Variants in EGFR observed in about 807,000 individuals in gnomAD.
The protein encoded by EGFR is epidermal growth factor receptor.
Under a neutral mutation model 143.0 loss-of-function variants are expected in EGFR, and 58 were observed. That is an observed-to-expected ratio of 0.41 (90% CI 0.33 to 0.50). The LOEUF (loss-of-function observed/expected upper bound fraction) is 0.50, where lower values mean the gene tolerates loss of function less well. Among genes scored for constraint, EGFR ranks in the 20% least tolerant of loss-of-function variants. EGFR has a pLI of 0.39. For missense variants in EGFR, 1,307 were observed against 1,579.0 expected, an observed-to-expected ratio of 0.83 and a Z score of 2.92; for synonymous variants, 613 against 594.4, an observed-to-expected ratio of 1.03 and a Z score of -0.45.
At chr7:55,038,379 C>A (rs1275392784) in intron 1 of EGFR, among the ~76,000 whole-genome samples, 10 of 152,266 alleles carry the variant, frequency 6.6e-5, no homozygotes, top group African/African-American at 1.4e-4. Flanking sequence ...AACAGCGCAG[C>A]CTCCCAAAGA....
At position 55,174,019 on chromosome 7, in the gene EGFR, C is replaced by T. The variant is rs1562784587; in HGVS notation, c.2160C>T (p.Ser720=). 6.8e-6 allele frequency: 11 copies of T among 1,614,120 alleles called. No individual in the cohort carries two copies. Among genetic ancestry groups the T allele is most frequent in the Non-Finnish European group, 9.3e-6 (11 of 1,180,054 alleles). Residue 720 remains serine (S), a synonymous_variant, in exon 18 of 28, where the codon TCC becomes TCT. Coordinates refer to ENST00000275493, the MANE Select transcript of EGFR (RefSeq NM_005228.5). ...TEFKKIKVLG[S]GAFGTVYKGL... ...TCAAAAAGATCAAAGTGCTGGGCTC[C>T]GGTGCGTTCGGCACGGTGTATAAGG...
intron 1 of EGFR, among the ~76,000 whole-genome samples, chr7:55,061,516 A>C (rs1372692212): frequency 1.3e-5 from 2 of 152,102 alleles, no homozygotes; most frequent in Non-Finnish European, 2.9e-5. Context: ...CTTGCCCTGC[A>C]TGCATTTCTT....
intron 1 of EGFR, among the ~76,000 whole-genome samples, chr7:55,123,902 T>C (rs1421279150): frequency 3.3e-5 from 5 of 152,148 alleles, no homozygotes; most frequent in Admixed American, 3.3e-4. Flanking sequence ...TGTGTGTGCA[T>C]GTGTGTGCAA....
chr7:55,093,506 C>T (rs1421017679), intron 1 of EGFR, among the ~76,000 whole-genome samples: 4 of 152,216 alleles, frequency 2.6e-5, no homozygotes, highest in African/African-American at 4.8e-5. Flanking sequence ...CCCCGCGTCT[C>T]AGTCCTCAGT....
intron 1 of EGFR, among the ~76,000 whole-genome samples, chr7:55,076,938 A>T (rs538118779): frequency 6.6e-6 from 1 of 152,048 alleles, no homozygotes; most frequent in South Asian, 2.1e-4. Context: ...TAGCAGCCAA[A>T]GACCTAAGCC....
chr7:55,044,080 C>A (rs2128870729), intron 1 of EGFR: 1 of 152,316 alleles, frequency 6.6e-6, no homozygotes, highest in East Asian at 1.9e-4. Flanking sequence ...TCCTTCACTG[C>A]TGTAGAAACA....
At chr7:55,168,399 C>T (rs376264677) in intron 15 of EGFR, 2 of 731,608 alleles carry the variant, frequency 2.7e-6, no homozygotes, top group Non-Finnish European at 2.5e-6. Context: ...TGGGTTTTGG[C>T]ATTTTCAATA....
At chr7:55,174,095 C>A (rs2128953901) in intron 18 of EGFR, 52 bp downstream of exon 18, 1 of 1,612,648 alleles carries the variant, frequency 6.2e-7, no homozygotes, top group South Asian at 1.1e-5. Flanking sequence ...CTCTCATGGT[C>A]TGGTGGGGAG....
At chr7:55,028,737 A>T (rs1187073688) in intron 1 of EGFR, among the ~76,000 whole-genome samples, 1 of 152,186 alleles carries the variant, frequency 6.6e-6, no homozygotes, top group Non-Finnish European at 1.5e-5. Flanking sequence ...CTAGATTTTT[A>T]AAATAAAGTA....
At chr7:55,180,789 C>T (rs1384142688) in intron 19 of EGFR, 4 of 179,676 alleles carry the variant, frequency 2.2e-5, no homozygotes, top group African/African-American at 4.7e-5. Flanking sequence ...TGGCTCGGTG[C>T]TCCCCGGATG....
rs542403973 is a variant in EGFR, at chr7:55,067,908, G to A, written c.88+48543G>A. On this transcript the variant is annotated intron_variant, in intron 1 of 27. Transcript: ENST00000275493. ...TGTGTGTACATGTGTGTACGTGTGT[G>A]TTCCTGTGTATGTGTGTCTGCGCAC... Among the ~76,000 whole-genome samples, 49 of 151,188 alleles carry A rather than the reference G, an allele frequency of 3.2e-4. 2 individuals are homozygous for A. The highest frequency in any genetic ancestry group is 3.4e-3 in the Middle Eastern group (1 of 292).
At chr7:55,146,079 T>C (rs1794744513) in intron 3 of EGFR, among the ~76,000 whole-genome samples, 10 of 152,174 alleles carry the variant, frequency 6.6e-5, no homozygotes, top group Admixed American at 6.5e-4. Flanking sequence ...CCCTGGAGTC[T>C]ACCTGTCTCT....
At chr7:55,151,513 C>A in intron 5 of EGFR, 151 bp downstream of exon 5, 3 of 839,094 alleles carry the variant, frequency 3.6e-6, no homozygotes, top group East Asian at 5.3e-5. Context: ...GACAGTCTTG[C>A]AAATCTCACC....
At chr7:55,144,892 T>C (rs988516661) in intron 3 of EGFR, among the ~76,000 whole-genome samples, 1 of 152,204 alleles carries the variant, frequency 6.6e-6, no homozygotes, top group African/African-American at 2.4e-5. Flanking sequence ...GTGGATGGCA[T>C]AGCTGCTAAA....
chr7:55,205,190 C>A (rs1562810304), intron 27 of EGFR, 66 bp from the exon 28 acceptor site: 1 of 1,595,250 alleles, frequency 6.3e-7, no homozygotes, highest in Non-Finnish European at 8.5e-7. Context: ...GGGTTCAGAA[C>A]CCAGGGATCC....
At chr7:55,070,490 C>T (rs139358867) in intron 1 of EGFR, among the ~76,000 whole-genome samples, 79 of 152,192 alleles carry the variant, frequency 5.2e-4, no homozygotes, top group African/African-American at 1.9e-3. Context: ...TTGTTTAGTT[C>T]GGGGATACAA....
At chr7:55,112,258 G>C (rs955112079) in intron 1 of EGFR, among the ~76,000 whole-genome samples, 7 of 152,226 alleles carry the variant, frequency 4.6e-5, no homozygotes, top group African/African-American at 1.7e-4. Context: ...GTAGTGATTT[G>C]ATGAGTGCTG....
At chr7:55,113,944 C>T (rs1214515530) in intron 1 of EGFR, among the ~76,000 whole-genome samples, 4 of 152,194 alleles carry the variant, frequency 2.6e-5, no homozygotes, top group East Asian at 3.8e-4. Context: ...CTGATGGGCA[C>T]GGCCATGGTG....
At chr7:55,148,251 G>A (rs1010792819) in intron 4 of EGFR, among the ~76,000 whole-genome samples, 1 of 152,128 alleles carries the variant, frequency 6.6e-6, no homozygotes, top group Non-Finnish European at 1.5e-5. Flanking sequence ...TGGACAATGG[G>A]GAGGTTAAAC....
Sources: gnomAD v4.1 joint callset for allele counts (sites outside exome capture counted in the v4.1 genomes callset) on GRCh38, gnomAD v4.1.1 for gene constraint, MANE v1.5 for transcripts, NCBI Gene and HGNC (gene_info 2026-07-23, HGNC 2026-07-21) for gene names.